The following TMPRSS5 variants were observed in gnomAD, a reference collection of about 807,000 sequenced individuals.
TMPRSS5 encodes the protein transmembrane serine protease 5, also known as transmembrane protease serine 5.
TMPRSS5 carries 45 observed loss-of-function variants against 59.7 expected under a neutral mutation model. That is an observed-to-expected ratio of 0.75 (90% confidence interval 0.59 to 0.97). The LOEUF (loss-of-function observed/expected upper bound fraction) is 0.97, where lower values mean the gene tolerates loss of function less well. Among genes scored for constraint, TMPRSS5 ranks in the 50% least tolerant of loss-of-function variants. The pLI, the probability that TMPRSS5 is intolerant of heterozygous loss-of-function variation, is 0.00. For missense variants in TMPRSS5, 585 were observed against 596.7 expected (o/e 0.98, Z 0.20); for synonymous variants, 225 against 232.0 (o/e 0.97, Z 0.27).
At chr11:113,689,538 T>C (rs1318365121) in intron 12 of TMPRSS5, among the ~76,000 whole-genome samples, 2 of 152,088 alleles carry the variant, frequency 1.3e-5, no homozygotes, top group Non-Finnish European at 2.9e-5. Context: ...AAATGGTAGA[T>C]CTGGGATACA....
chr11:113,691,905 T>TTTTTTTA (rs1565256095), intron 9 of TMPRSS5, among the ~76,000 whole-genome samples: 1 of 147,622 alleles, frequency 6.8e-6, no homozygotes. Context: ...TTTTTTTTTT[T>TTTTTTTA]GAGACGGAGT....
intron 11 of TMPRSS5, 84 bp from the exon 12 acceptor site, chr11:113,690,001 A>C (rs1952720139): frequency 1.6e-5 from 23 of 1,398,148 alleles, no homozygotes; most frequent in African/African-American, 2.9e-5. Context: ...TGGCAAGTGG[A>C]ATCTCCTTAC....
At chr11:113,699,257 CTCTCTCTCT>C (rs1953037602) in intron 3 of TMPRSS5, among the ~76,000 whole-genome samples, 1 of 82,480 alleles carries the variant, frequency 1.2e-5, no homozygotes, top group African/African-American at 6.5e-5. Context: ...CTCTCTCTCT[CTCTCTCTCT>C]CTCTCCCTCT....
chr11:113,688,162 G>T lies in TMPRSS5; in HGVS notation c.*98C>A, dbSNP rs2134775587. On this transcript the variant is annotated 3_prime_UTR_variant, in exon 13 of 13. Transcript: ENST00000299882. ...GTAGTAGGAGGTCCATGCGTTCTGTGTCGGAGGCTACTGCCTCTCCTCCAT... is the reference window on the plus strand; with the variant it reads ...GTAGTAGGAGGTCCATGCGTTCTGTTTCGGAGGCTACTGCCTCTCCTCCAT... 6.7e-7 allele frequency: 1 copy of T among 1,501,180 alleles called. No individual in the cohort carries two copies. Among genetic ancestry groups the T allele is most frequent in the Non-Finnish European group, 8.9e-7 (1 of 1,125,062 alleles). The allele number at this position is 1,501,180 out of a possible 1,614,324, so 93.0% of individuals were successfully genotyped here. A position where few individuals can be genotyped will look rare whatever the true frequency, so the allele number is the denominator to read the frequency against.
Position 113,695,530 on chromosome 11 carries a change from G to A in TMPRSS5, c.579-87C>T. The A allele has an allele frequency of 3.0e-6, 4 of 1,327,258 alleles. No homozygotes were observed. The South Asian group carries it at 4.9e-5, about 16-fold the overall frequency. The allele number at this position is 1,327,258 out of a possible 1,614,324, so 82.2% of individuals were successfully genotyped here. On this transcript the variant is annotated intron_variant, in intron 6 of 12. Coordinates refer to ENST00000299882, the MANE Select transcript of TMPRSS5 (RefSeq NM_030770.4). ...AAGGACGTGAAGAATGGGGGAGGCTGGTGGGGGTGGTGGACAGTTCTTAAG... is the reference window on the plus strand; with the variant it reads ...AAGGACGTGAAGAATGGGGGAGGCTAGTGGGGGTGGTGGACAGTTCTTAAG...
chr11:113,698,944 T>C lies in TMPRSS5; in HGVS notation c.289A>G (p.Ser97Gly). 1 of 1,598,228 alleles carries C rather than the reference T, an allele frequency of 6.3e-7. No individual in the cohort carries two copies. The highest frequency in any genetic ancestry group is 2.3e-5 in the East Asian group (1 of 44,260). ...EEITLSCSEASAEEALLPALP... is the reference protein window; with the variant it reads ...EEITLSCSEAGAEEALLPALP... ...GCAGGGAGCAGAGCTTCCTCAGCGC[T>C]GGCCTCTGAGCAGCTCAAAGTTATC... The change falls in exon 4 of 13, where the codon AGC becomes GGC. Residue 97 changes from serine (S) to glycine (G), a missense_variant. Physicochemically the swap from Ser to Gly is moderately conservative, Grantham distance 56 (BLOSUM62 0). Transcript: ENST00000299882.
intron 9 of TMPRSS5, 142 bp downstream of exon 9, chr11:113,692,929 A>C (rs1952822751): frequency 8.4e-6 from 8 of 948,722 alleles, no homozygotes; most frequent in Non-Finnish European, 1.2e-5. Flanking sequence ...GCCAAAATTC[A>C]CTAGTCCCAA....
At position 113,699,625 on chromosome 11, in the gene TMPRSS5, C is replaced by G. The variant is rs1259080771; in HGVS notation, c.175G>C (p.Ala59Pro). Residue 59 changes from alanine (A) to proline (P), a missense_variant, in exon 3 of 13, where the codon GCC becomes CCC. Physicochemically the swap from Ala to Pro is conservative, Grantham distance 27 (BLOSUM62 -1). Coordinates refer to ENST00000299882, the MANE Select transcript of TMPRSS5 (RefSeq NM_030770.4). ...CAVLGALGLL[A>P]GAGVGSWLLV... ...AGCCATGAGCCAACACCTGCACCGG[C>G]CAGCAGCCCCAGGGCTCCCAGCACT... is the stretch of plus-strand genomic sequence containing the variant. 1 of 1,582,940 alleles carries G rather than the reference C, an allele frequency of 6.3e-7. No individual in the cohort carries two copies. The highest frequency in any genetic ancestry group is 8.6e-7 in the Non-Finnish European group (1 of 1,165,142).
chr11:113,700,305 G>A, intron 1 of TMPRSS5, 137 bp from the exon 2 acceptor site: 1 of 861,996 alleles, frequency 1.2e-6, no homozygotes. Context: ...TCATCTTGGA[G>A]ACTCCCTGTA....
intron 1 of TMPRSS5, among the ~76,000 whole-genome samples, chr11:113,704,685 G>A (rs542501438): frequency 1.3e-5 from 2 of 152,140 alleles, no homozygotes; most frequent in South Asian, 2.1e-4. Flanking sequence ...CTGACCCTTC[G>A]AGACTCAGCA....
chr11:113,696,890 C>T lies in TMPRSS5; in HGVS notation c.546G>A (p.Leu182=), dbSNP rs368033758. ...SQEFAQLSPR[L]GGFLEEAWQP... ...GCCACGCCTCCTCCAGGAAGCCTCC[C>T]AGTCTAGGAGAGAGCTGAGCAAACT... The change falls in exon 6 of 13, where the codon CTG becomes CTA. Residue 182 remains leucine (L), a synonymous_variant. Transcript: ENST00000299882. 1 of 1,572,858 alleles carries T rather than the reference C, an allele frequency of 6.4e-7. No homozygotes were observed. The highest frequency in any genetic ancestry group is 2.3e-5 in the East Asian group (1 of 42,822).
chr11:113,689,614 A>C, intron 12 of TMPRSS5, 151 bp downstream of exon 12: 1 of 743,912 alleles, frequency 1.3e-6, no homozygotes, highest in Non-Finnish European at 2.0e-6. Context: ...TCCATGTTTA[A>C]GCTTCACTTC....
chr11:113,698,838 T>C, intron 4 of TMPRSS5, 67 bp downstream of exon 4: 4 of 1,543,500 alleles, frequency 2.6e-6, no homozygotes, highest in Non-Finnish European at 3.5e-6. Context: ...GTGTCGGTTC[T>C]CTTGCCCTCA....
At chr11:113,705,303 T>A (rs2134835343) in intron 1 of TMPRSS5, among the ~76,000 whole-genome samples, 1 of 152,332 alleles carries the variant, frequency 6.6e-6, no homozygotes, top group African/African-American at 2.4e-5. Flanking sequence ...AAAGACTTTG[T>A]CAGACTCACC....
At chr11:113,695,774 T>C (rs1952911203) in intron 6 of TMPRSS5, among the ~76,000 whole-genome samples, 1 of 152,168 alleles carries the variant, frequency 6.6e-6, no homozygotes, top group Non-Finnish European at 1.5e-5. Flanking sequence ...GTGTCCTGAA[T>C]GAATACACAC....
intron 1 of TMPRSS5, among the ~76,000 whole-genome samples, chr11:113,704,693 G>C (rs1273346801): frequency 1.3e-5 from 2 of 152,040 alleles, no homozygotes; most frequent in Non-Finnish European, 2.9e-5. Flanking sequence ...TCGAGACTCA[G>C]CACAGACATC....
chr11:113,701,617 A>G (rs1316636960), intron 1 of TMPRSS5, among the ~76,000 whole-genome samples: 1 of 152,154 alleles, frequency 6.6e-6, no homozygotes, highest in Non-Finnish European at 1.5e-5. Context: ...GTCAAAATAT[A>G]GGACATGAAG....
At chr11:113,697,053 G>T in intron 5 of TMPRSS5, 82 bp from the exon 6 acceptor site, 1 of 1,207,228 alleles carries the variant, frequency 8.3e-7, no homozygotes, top group South Asian at 1.3e-5. Flanking sequence ...GTGACCGCAA[G>T]ACTGTGATAA....
intron 1 of TMPRSS5, among the ~76,000 whole-genome samples, chr11:113,705,037 A>G (rs1953254433): frequency 6.6e-6 from 1 of 152,182 alleles, no homozygotes; most frequent in Non-Finnish European, 1.5e-5. Context: ...ATAATCCAGT[A>G]GGGTAGATAA....
Sources: allele counts gnomAD v4.1 joint callset (sites outside exome capture counted in the v4.1 genomes callset), GRCh38; gene constraint gnomAD v4.1.1; transcripts MANE v1.5; gene names NCBI Gene and HGNC (gene_info 2026-07-23, HGNC 2026-07-21).